PCMTD2: variants seen among roughly 807,000 people sequenced by gnomAD.
The protein encoded by PCMTD2 is protein-L-isoaspartate O-methyltransferase domain-containing protein 2.
In PCMTD2, 16 loss-of-function variants were observed where a neutral mutation model predicts 33.4. The observed-to-expected ratio is 0.48, with a 90% CI of 0.32 to 0.73. The LOEUF is 0.73. Ranked by LOEUF, PCMTD2 falls within the 30% of genes least tolerant of loss-of-function variation. The pLI, the probability that PCMTD2 is intolerant of heterozygous loss-of-function variation, is 0.03. For missense variants in PCMTD2, 374 were observed against 449.9 expected, an observed-to-expected ratio of 0.83 and a Z score of 1.53; for synonymous variants, 161 against 160.8, an observed-to-expected ratio of 1.00 and a Z score of -0.01.
At chr20:64,263,391 G>T (rs903496873) in intron 2 of PCMTD2, among the ~76,000 whole-genome samples, 1 of 152,180 alleles carries the variant, frequency 6.6e-6, no homozygotes, top group African/African-American at 2.4e-5. Context: ...GCTGGTGGCT[G>T]TTGTACTAGG....
Position 64,273,212 on chromosome 20 carries a change from G to A in PCMTD2, c.707-9G>A, listed in dbSNP as rs370141222. The stretch of plus-strand genomic sequence containing the variant: ...GCATTTGACTGTGTCTCACTCTTCT[G>A]TGCTGCAGCACCAGTGGCAGTTCGC... On this transcript the variant is annotated splice_polypyrimidine_tract_variant and intron_variant, in intron 5 of 5. Transcript: ENST00000308824. 3 of 1,610,336 alleles carry A rather than the reference G, an allele frequency of 1.9e-6. No homozygotes were observed. The highest frequency in any genetic ancestry group is 2.5e-6 in the Non-Finnish European group (3 of 1,177,908).
Position 64,265,280 on chromosome 20 carries a change from T to A in PCMTD2, c.433T>A (p.Phe145Ile). 1 of 1,603,538 alleles carries A rather than the reference T, an allele frequency of 6.2e-7. No homozygotes were observed. Among genetic ancestry groups the A allele is most frequent in the Non-Finnish European group, 8.5e-7 (1 of 1,176,908 alleles). Residue 145 changes from phenylalanine (F) to isoleucine (I), a missense_variant, in exon 4 of 6, where the codon TTT becomes ATT. Physicochemically the swap from Phe to Ile is conservative, Grantham distance 21. Coordinates refer to ENST00000308824, the MANE Select transcript of PCMTD2 (RefSeq NM_018257.3). Reference sequence around the variant, plus strand: ...CAGGTTTGACTTCTGTGAACCTTCCTTTGTTACTGGGAATTGCCTGGAGAT... The same window carrying A: ...CAGGTTTGACTTCTGTGAACCTTCCATTGTTACTGGGAATTGCCTGGAGAT... ...FDKFDFCEPSFVTGNCLEISP... is the reference protein window; with the variant it reads ...FDKFDFCEPSIVTGNCLEISP...
intron 2 of PCMTD2, among the ~76,000 whole-genome samples, chr20:64,260,956 A>G (rs1390867680): frequency 6.6e-6 from 1 of 151,886 alleles, no homozygotes; most frequent in Non-Finnish European, 1.5e-5. Flanking sequence ...AGCCTCCCAA[A>G]GTGCTGGGAT....
chr20:64,265,547 GGCAGGGACAGGTGAGGGAGAT>G (rs368650028), intron 4 of PCMTD2, 118 bp downstream of exon 4: 3 of 823,684 alleles, frequency 3.6e-6, no homozygotes, highest in African/African-American at 3.4e-5. Context: ...AGGAAACAGA[GGCAGGGACAGGTGAGGGAGAT>G]GCAGGGTCAC....
intron 2 of PCMTD2, among the ~76,000 whole-genome samples, chr20:64,260,582 G>C (rs1343434697): frequency 6.6e-6 from 1 of 152,006 alleles, no homozygotes; most frequent in African/African-American, 2.4e-5. Flanking sequence ...TGTAAATCTT[G>C]ACCCCACTGT....
intron 1 of PCMTD2, 44 bp from the exon 2 acceptor site, chr20:64,259,888 GTTCTGCTCTT>G: frequency 1.2e-6 from 1 of 856,798 alleles, no homozygotes; most frequent in African/African-American, 1.7e-5. Context: ...AACTTCTATT[GTTCTGCTCTT>G]ACCTTTAACA....
chr20:64,275,457 C>G lies in PCMTD2; in HGVS notation c.*1857C>G, dbSNP rs1479853680. 6.6e-6 allele frequency: 1 copy of G among 152,046 alleles called. No homozygotes were observed. The highest frequency in any genetic ancestry group is 1.5e-5 in the Non-Finnish European group (1 of 68,000). 9.4% of individuals were successfully genotyped at this position (152,046 alleles called of 1,614,324 possible). On this transcript the variant is annotated 3_prime_UTR_variant, in exon 6 of 6. Coordinates refer to ENST00000308824, the MANE Select transcript of PCMTD2 (RefSeq NM_018257.3). ...TAAAAAAACCGCATTTGCCTTTATG[C>G]TAGATTGTAAAAAATTATATTAGAA...
rs557983283 is a variant in PCMTD2, at chr20:64,258,367, G to A, written c.-24-1575G>A. Among the ~76,000 whole-genome samples, 50 of 152,194 alleles carry A rather than the reference G, an allele frequency of 3.3e-4. 1 individual carries two copies. Among genetic ancestry groups the A allele is most frequent in the Middle Eastern group, 6.8e-3 (2 of 294 alleles). On this transcript the variant is annotated intron_variant, in intron 1 of 5. Transcript: ENST00000308824. ...TGGACCGTAATCTAACAAGGGCTCC[G>A]AAACAATTCAAAAAATTCAAAAAGG...
rs1986059303 is a variant in PCMTD2 at position 64,275,141 on chromosome 20, C to T, written c.*1541C>T. On this transcript the variant is annotated 3_prime_UTR_variant, in exon 6 of 6. Transcript: ENST00000308824. ...CCAGTTTGCATGTATAGCTAGGAAA[C>T]ATGTATTGCTCTAGATTGGGCAGTT... 1 of 152,072 alleles carries T rather than the reference C, an allele frequency of 6.6e-6. No individual in the cohort carries two copies. Among genetic ancestry groups the T allele is most frequent in the Admixed American group, 6.6e-5 (1 of 15,266 alleles). 9.4% of individuals were successfully genotyped at this position (152,072 alleles called of 1,614,324 possible). A position where few individuals can be genotyped will look rare whatever the true frequency, so the allele number is the denominator to read the frequency against.
intron 2 of PCMTD2, among the ~76,000 whole-genome samples, chr20:64,261,942 G>C (rs1985433225): frequency 6.6e-6 from 1 of 152,198 alleles, no homozygotes; most frequent in African/African-American, 2.4e-5. Context: ...AAATGCTTAG[G>C]AAAAGATGAC....
At position 64,274,271 on chromosome 20, in the gene PCMTD2, C is replaced by T. The variant is rs1471557954; in HGVS notation, c.*671C>T. ...AGGAATGAATTGCCAGATAATCTTT[C>T]TGGAATTCCGAGAGAATTCCAAAGA... On this transcript the variant is annotated 3_prime_UTR_variant, in exon 6 of 6. Transcript: ENST00000308824. 4 of 145,896 alleles carry T rather than the reference C, an allele frequency of 2.7e-5. No homozygotes were observed. The highest frequency in any genetic ancestry group is 6.9e-5 in the Admixed American group (1 of 14,570). 9.0% of individuals were successfully genotyped at this position (145,896 alleles called of 1,614,324 possible).
intron 1 of PCMTD2, among the ~76,000 whole-genome samples, chr20:64,259,386 C>CTTT (rs3076992): frequency 1.6e-4 from 19 of 118,730 alleles, no homozygotes; most frequent in African/African-American, 4.1e-4. Context: ...TTTCTTTTCT[C>CTTT]TTTTTTTTTT....
At chr20:64,265,666 GTCTC>G (rs751985494) in intron 4 of PCMTD2, 142 of 393,718 alleles carry the variant, frequency 3.6e-4, no homozygotes, top group Admixed American at 5.9e-4. Context: ...TTCCTTCTCT[GTCTC>G]TCTCTTTTTC....
chr20:64,264,630 A>T, intron 3 of PCMTD2, 99 bp downstream of exon 3: 1 of 690,260 alleles, frequency 1.4e-6, no homozygotes. Flanking sequence ...AAACATAATT[A>T]AACTGTGGTG....
At chr20:64,259,580 G>A (rs1985314400) in intron 1 of PCMTD2, among the ~76,000 whole-genome samples, 1 of 151,894 alleles carries the variant, frequency 6.6e-6, no homozygotes, top group Admixed American at 6.6e-5. Context: ...AGTAGAGACG[G>A]GGTTTCACCA....
chr20:64,257,626 A>C (rs552993801), intron 1 of PCMTD2, among the ~76,000 whole-genome samples: 6 of 152,182 alleles, frequency 3.9e-5, no homozygotes, highest in African/African-American at 1.4e-4. Context: ...AGATTACCAG[A>C]CAAAGATGGT....
At position 64,276,102 on chromosome 20, in the gene PCMTD2, TTTTC is replaced by T. The variant is rs1986083578; in HGVS notation, c.*2506_*2509del. ...TTCAAAATCTTAAGAAAAGAACCTT[TTTTC>T]TTTATTAACATCATGTGTTTACTTT... On this transcript the variant is annotated 3_prime_UTR_variant, in exon 6 of 6. Transcript: ENST00000308824. 1 of 152,244 alleles carries T rather than the reference TTTTC, an allele frequency of 6.6e-6. No individual in the cohort carries two copies. Among genetic ancestry groups the T allele is most frequent in the Non-Finnish European group, 1.5e-5 (1 of 68,046 alleles). 9.4% of individuals were successfully genotyped at this position (152,244 alleles called of 1,614,324 possible).
chr20:64,268,085 T>A, intron 5 of PCMTD2, 75 bp downstream of exon 5: 1 of 1,169,344 alleles, frequency 8.6e-7, no homozygotes, highest in Non-Finnish European at 1.2e-6. Context: ...GGAAACAAAA[T>A]TTACAACAAA....
At chr20:64,260,368 C>T (rs972089767) in intron 2 of PCMTD2, 96 bp downstream of exon 2, 5 of 816,164 alleles carry the variant, frequency 6.1e-6, no homozygotes, top group African/African-American at 1.7e-5. Context: ...CTGCCTGGGT[C>T]GAGACCGCAG....
Sources: gnomAD v4.1 joint callset for allele counts (sites outside exome capture counted in the v4.1 genomes callset) on GRCh38, gnomAD v4.1.1 for gene constraint, MANE v1.5 for transcripts, NCBI Gene and HGNC (gene_info 2026-07-23, HGNC 2026-07-21) for gene names.